CADM1: variants seen among roughly 807,000 people sequenced by gnomAD.
CADM1 encodes TSLC-1.
Under a neutral mutation model 53.1 loss-of-function variants are expected in CADM1, and 15 were observed. The ratio of observed to expected loss-of-function variants is 0.28; its 90% confidence interval spans 0.19 to 0.44. CADM1 has a LOEUF of 0.44. Among genes scored for constraint, CADM1 ranks in the 20% least tolerant of loss-of-function variants. The probability of loss-of-function intolerance (pLI) is 1.00; values close to 1 mark genes in which losing one functional copy is unlikely to be tolerated. For synonymous variants in CADM1, 281 were observed against 243.0 expected, an observed-to-expected ratio of 1.16 and a Z score of -1.45; for missense variants, 434 against 611.3, an observed-to-expected ratio of 0.71 and a Z score of 3.06.
intron 1 of CADM1, among the ~76,000 whole-genome samples, chr11:115,411,540 A>G (rs1183472027): frequency 6.6e-6 from 1 of 152,250 alleles, no homozygotes; most frequent in African/African-American, 2.4e-5. Flanking sequence ...TCTAAACAGC[A>G]AAAGAAGGCC....
chr11:115,449,051 TCTC>T (rs1252458434), intron 1 of CADM1, among the ~76,000 whole-genome samples: 2 of 152,096 alleles, frequency 1.3e-5, no homozygotes, highest in Admixed American at 6.5e-5. Context: ...GGAAAAAATA[TCTC>T]ATCATCTTTT....
At chr11:115,383,930 T>C (rs572469676) in intron 1 of CADM1, among the ~76,000 whole-genome samples, 91 of 151,988 alleles carry the variant, frequency 6.0e-4, no homozygotes, top group African/African-American at 2.2e-3. Context: ...CAGTAGATCC[T>C]AAGGTTTCCC....
intron 1 of CADM1, among the ~76,000 whole-genome samples, chr11:115,468,137 C>T (rs1948934900): frequency 6.6e-6 from 1 of 152,168 alleles, no homozygotes; most frequent in Non-Finnish European, 1.5e-5. Flanking sequence ...TACAATTTTG[C>T]ACATTTTAAT....
intron 1 of CADM1, among the ~76,000 whole-genome samples, chr11:115,407,738 G>A (rs1405996201): frequency 2.0e-5 from 3 of 151,834 alleles, no homozygotes; most frequent in African/African-American, 4.8e-5. Flanking sequence ...GTATGGTGGT[G>A]TGTGCCGTTT....
At chr11:115,434,857 A>ATTT (rs1249528701) in intron 1 of CADM1, among the ~76,000 whole-genome samples, 1 of 107,272 alleles carries the variant, frequency 9.3e-6, no homozygotes, top group Non-Finnish European at 2.4e-5. Flanking sequence ...TATTATTATT[A>ATTT]TTATTATTTT....
intron 1 of CADM1, among the ~76,000 whole-genome samples, chr11:115,339,567 T>C (rs901951048): frequency 6.6e-6 from 1 of 152,226 alleles, no homozygotes; most frequent in Non-Finnish European, 1.5e-5. Context: ...ACCTGCTTCA[T>C]AGAGGCCACC....
chr11:115,323,280 G>A (rs1031190043), intron 1 of CADM1, among the ~76,000 whole-genome samples: 6 of 151,914 alleles, frequency 3.9e-5, no homozygotes, highest in African/African-American at 1.2e-4. Context: ...TCAACTATTC[G>A]GTAGAAATAT....
At position 115,345,886 on chromosome 11, in the gene CADM1, C is replaced by G. The variant is rs565893938; in HGVS notation, c.125-105466G>C. 2.0e-5 allele frequency among the ~76,000 whole-genome samples: 3 copies of G among 152,052 alleles called. No homozygotes were observed. In the East Asian group the frequency reaches 5.8e-4, roughly 29 times the overall value. On this transcript the variant is annotated intron_variant, in intron 1 of 11. Transcript: ENST00000331581. The stretch of plus-strand genomic sequence containing the variant: ...TGTTTCAACTTGATTTTTTTTAACT[C>G]TAAATTTAAAAGGAAAATGTACATG...
intron 8 of CADM1, among the ~76,000 whole-genome samples, chr11:115,203,488 C>T (rs1159198131): frequency 1.3e-5 from 2 of 152,070 alleles, no homozygotes; most frequent in East Asian, 3.9e-4. Context: ...TATGGGAGGG[C>T]TGGGTCCTTC....
At chr11:115,359,872 A>T (rs1241167113) in intron 1 of CADM1, among the ~76,000 whole-genome samples, 2 of 152,238 alleles carry the variant, frequency 1.3e-5, no homozygotes, top group Non-Finnish European at 2.9e-5. Context: ...GTGCTAAATC[A>T]TGACATTACA....
At chr11:115,185,262 C>T (rs1179300506) in intron 10 of CADM1, among the ~76,000 whole-genome samples, 1 of 152,132 alleles carries the variant, frequency 6.6e-6, no homozygotes, top group Admixed American at 6.5e-5. Flanking sequence ...ATTACCAGTT[C>T]GTTAGGGGTA....
intron 3 of CADM1, among the ~76,000 whole-genome samples, chr11:115,233,529 C>T (rs934572653): frequency 2.6e-5 from 4 of 151,928 alleles, no homozygotes; most frequent in African/African-American, 9.7e-5. Flanking sequence ...ATGTTTAGGA[C>T]TAATAAATAC....
chr11:115,199,146 CTCT>C (rs2134681643), intron 8 of CADM1, among the ~76,000 whole-genome samples: 1 of 152,244 alleles, frequency 6.6e-6, no homozygotes, highest in South Asian at 2.1e-4. Flanking sequence ...CACTCTAAAG[CTCT>C]TCATGTTAAA....
intron 1 of CADM1, among the ~76,000 whole-genome samples, chr11:115,477,220 G>C (rs990902447): frequency 6.6e-6 from 1 of 152,090 alleles, no homozygotes; most frequent in Non-Finnish European, 1.5e-5. Context: ...ACAGAATGCA[G>C]TAAAGGATAA....
chr11:115,259,845 C>A (rs76622270), intron 1 of CADM1, among the ~76,000 whole-genome samples: 1,696 of 152,300 alleles, frequency 0.011, 19 homozygotes, highest in African/African-American at 0.035. Context: ...GCCCTTCCCA[C>A]CTCATTTCAC....
intron 1 of CADM1, among the ~76,000 whole-genome samples, chr11:115,361,467 T>C (rs1390632348): frequency 6.6e-6 from 1 of 152,192 alleles, no homozygotes; most frequent in Non-Finnish European, 1.5e-5. Context: ...CTGTGACTGC[T>C]GGATAAAATT....
chr11:115,312,707 C>T (rs1397736419), intron 1 of CADM1, among the ~76,000 whole-genome samples: 1 of 152,130 alleles, frequency 6.6e-6, no homozygotes, highest in Non-Finnish European at 1.5e-5. Flanking sequence ...AATTAAGTGT[C>T]TAGTTGTGCT....
In CADM1 at chr11:115,316,210, T is replaced by C. The variant is rs1220022354; in HGVS notation, c.125-75790A>G. ...GGCTTTGGGGGACTCACCCCTACTA[T>C]TTAGGGTCAGCAATTACCTTGCATC... is the stretch of plus-strand genomic sequence containing the variant. On this transcript the variant is annotated intron_variant, in intron 1 of 11. Transcript: ENST00000331581. Among the ~76,000 whole-genome samples, 3 of 152,206 alleles carry C rather than the reference T, an allele frequency of 2.0e-5. No homozygotes were observed. In the East Asian group the frequency reaches 5.8e-4, roughly 29 times the overall value.
chr11:115,344,268 C>T (rs916559943), intron 1 of CADM1, among the ~76,000 whole-genome samples: 7 of 252 alleles, frequency 0.028, no homozygotes, highest in African/African-American at 0.1. Flanking sequence ...ATACAAATCA[C>T]CTCCAATCCA....
Sources: gnomAD v4.1 joint callset for allele counts (sites outside exome capture counted in the v4.1 genomes callset) on GRCh38, gnomAD v4.1.1 for gene constraint, MANE v1.5 for transcripts, NCBI Gene and HGNC (gene_info 2026-07-23, HGNC 2026-07-21) for gene names.